RASGRF1: variants seen among roughly 807,000 people sequenced by gnomAD.
The protein encoded by RASGRF1 is ras-specific guanine nucleotide-releasing factor 1.
Under a neutral mutation model 138.7 loss-of-function variants are expected in RASGRF1, and 40 were observed. The ratio of observed to expected loss-of-function variants is 0.29; its 90% CI spans 0.22 to 0.38. The LOEUF (loss-of-function observed/expected upper bound fraction) is 0.38, where lower values mean the gene tolerates loss of function less well. Ranked by LOEUF, RASGRF1 falls within the 10% of genes least tolerant of loss-of-function variation. RASGRF1 has a pLI of 1.00. For synonymous variants in RASGRF1, 614 were observed against 663.2 expected (o/e 0.93, Z 1.14); for missense variants, 1,108 against 1,650.4 (o/e 0.67, Z 5.69).
chr15:79,042,545 T>A (rs1302743941), intron 5 of RASGRF1, among the ~76,000 whole-genome samples: 2 of 152,212 alleles, frequency 1.3e-5, no homozygotes. Context: ...CCCACACTCA[T>A]TAGCAGTGGG....
intron 1 of RASGRF1, among the ~76,000 whole-genome samples, chr15:79,078,105 A>G (rs1351285990): frequency 7.6e-6 from 1 of 132,090 alleles, no homozygotes; most frequent in Non-Finnish European, 1.7e-5. Flanking sequence ...ATCCCAGTGC[A>G]GGGAGTGGCT....
At chr15:79,013,808 T>G (rs1007505696) in intron 13 of RASGRF1, among the ~76,000 whole-genome samples, 2 of 152,190 alleles carry the variant, frequency 1.3e-5, no homozygotes, top group African/African-American at 4.8e-5. Flanking sequence ...ACCCAGGGCT[T>G]GGAGAGCTGC....
At chr15:79,038,919 C>G (rs367847353) in intron 5 of RASGRF1, among the ~76,000 whole-genome samples, 3 of 152,098 alleles carry the variant, frequency 2.0e-5, no homozygotes, top group South Asian at 4.1e-4. Context: ...ATAGACATAG[C>G]CTTTCCCTCA....
chr15:78,995,608 C>A, intron 20 of RASGRF1, 132 bp downstream of exon 20: 1 of 1,135,562 alleles, frequency 8.8e-7, no homozygotes, highest in Non-Finnish European at 1.3e-6. Context: ...TGTTTTAAGC[C>A]GCCCAGTTTG....
chr15:78,985,896 G>C (rs913145475), intron 22 of RASGRF1: 9 of 125,602 alleles, frequency 7.2e-5, no homozygotes, highest in African/African-American at 2.7e-4. Flanking sequence ...CTGCACTCCA[G>C]CCTGGGTGAC....
chr15:78,991,831 G>A, intron 20 of RASGRF1, 37 bp from the exon 21 acceptor site: 1 of 1,538,614 alleles, frequency 6.5e-7, no homozygotes, highest in Non-Finnish European at 9.0e-7. Context: ...TTTGAGTTAG[G>A]CCCATGACGG....
At chr15:79,017,972 T>C in intron 11 of RASGRF1, 66 bp from the exon 12 acceptor site, 1 of 1,592,772 alleles carries the variant, frequency 6.3e-7, no homozygotes, top group Non-Finnish European at 8.6e-7. Context: ...GAAAATGTTT[T>C]AGTGGTCCCT....
At chr15:79,063,261 G>A (rs1276705328) in intron 2 of RASGRF1, among the ~76,000 whole-genome samples, 1 of 152,198 alleles carries the variant, frequency 6.6e-6, no homozygotes, top group African/African-American at 2.4e-5. Flanking sequence ...TGGTTCATAT[G>A]TGACAACCTG....
chr15:79,029,089 G>C (rs555387353), intron 8 of RASGRF1, among the ~76,000 whole-genome samples: 5 of 152,378 alleles, frequency 3.3e-5, no homozygotes, highest in East Asian at 3.9e-4. Flanking sequence ...TTGCAAAAGA[G>C]TTATTATTAT....
intron 26 of RASGRF1, among the ~76,000 whole-genome samples, chr15:78,969,941 G>T (rs984166978): frequency 2.0e-5 from 3 of 152,184 alleles, no homozygotes; most frequent in Non-Finnish European, 4.4e-5. Context: ...GTGAGAGAAT[G>T]AATGGAAAGC....
At chr15:79,083,469 C>T (rs1179477964) in intron 1 of RASGRF1, among the ~76,000 whole-genome samples, 2 of 152,188 alleles carry the variant, frequency 1.3e-5, no homozygotes, top group Non-Finnish European at 2.9e-5. Context: ...TGGATGCCTG[C>T]CTTGGTGCGC....
intron 11 of RASGRF1, among the ~76,000 whole-genome samples, chr15:79,018,831 C>G (rs2056917615): frequency 6.6e-6 from 1 of 152,052 alleles, no homozygotes; most frequent in Non-Finnish European, 1.5e-5. Context: ...TCCCACCTCC[C>G]TGGGCCTAGG....
chr15:78,978,886 C>A, intron 24 of RASGRF1: 1 of 1,230,856 alleles, frequency 8.1e-7, no homozygotes, highest in South Asian at 1.4e-5. Flanking sequence ...CCACCTCTGC[C>A]CTGTGCTGCA....
chr15:79,042,771 C>T (rs1468334061), intron 5 of RASGRF1, among the ~76,000 whole-genome samples: 5 of 152,294 alleles, frequency 3.3e-5, no homozygotes, highest in Non-Finnish European at 1.5e-5. Flanking sequence ...CAAGTGCTGG[C>T]AGAGAGCCCA....
intron 1 of RASGRF1, among the ~76,000 whole-genome samples, chr15:79,071,391 A>C: frequency 7.1e-6 from 1 of 139,864 alleles, no homozygotes; most frequent in African/African-American, 2.7e-5. Flanking sequence ...TCAGAGTCTC[A>C]CTCTGTTGCC....
intron 1 of RASGRF1, among the ~76,000 whole-genome samples, chr15:79,082,580 G>C (rs1015031823): frequency 1.3e-5 from 2 of 152,206 alleles, no homozygotes; most frequent in African/African-American, 4.8e-5. Context: ...CAGTTAGGAG[G>C]CCACTGCGTA....
chr15:79,016,617 G>A (rs1257734021), intron 12 of RASGRF1, among the ~76,000 whole-genome samples: 1 of 152,220 alleles, frequency 6.6e-6, no homozygotes, highest in East Asian at 1.9e-4. Flanking sequence ...ATGTGAAAGG[G>A]CAAAGCTCAG....
chr15:79,022,690 G>T (rs547397768), intron 10 of RASGRF1, among the ~76,000 whole-genome samples: 1 of 152,234 alleles, frequency 6.6e-6, no homozygotes, highest in Admixed American at 6.5e-5. Context: ...ACATAATTTG[G>T]TTAAAACAGA....
chr15:78,991,897 G>T, intron 20 of RASGRF1, 103 bp from the exon 21 acceptor site: 1 of 851,870 alleles, frequency 1.2e-6, no homozygotes, highest in Non-Finnish European at 2.0e-6. Flanking sequence ...CGAATTGGGT[G>T]GGCGGGTGGA....
Sources: allele counts gnomAD v4.1 joint callset (sites outside exome capture counted in the v4.1 genomes callset), GRCh38; gene constraint gnomAD v4.1.1; transcripts MANE v1.5; gene names NCBI Gene and HGNC (gene_info 2026-07-23, HGNC 2026-07-21).